The following NREP variants were observed in gnomAD, a reference collection of about 807,000 sequenced individuals.
NREP encodes the protein neuronal regeneration-related protein.
In NREP, 5 loss-of-function variants were observed where a neutral mutation model predicts 8.6. The observed-to-expected ratio is 0.58, with a 90% CI of 0.30 to 1.22. The LOEUF (loss-of-function observed/expected upper bound fraction) is 1.22. NREP is among the 50% of genes most tolerant of loss of function. The pLI, the probability that NREP is intolerant of heterozygous loss-of-function variation, is 0.07. For synonymous variants in NREP, 27 were observed against 28.0 expected, an observed-to-expected ratio of 0.96 and a Z score of 0.11; for missense variants, 86 against 82.5, an observed-to-expected ratio of 1.04 and a Z score of -0.17.
At chr5:111,875,528 C>A (rs569274194) in intron 2 of NREP, among the ~76,000 whole-genome samples, 1 of 152,230 alleles carries the variant, frequency 6.6e-6, no homozygotes, top group East Asian at 1.9e-4. Context: ...CAGAGCTCTG[C>A]CAGATAAAAT....
At chr5:111,944,835 C>T (rs1351014603) in intron 2 of NREP, among the ~76,000 whole-genome samples, 1 of 152,062 alleles carries the variant, frequency 6.6e-6, no homozygotes, top group African/African-American at 2.4e-5. Flanking sequence ...ACCTACAGTC[C>T]CCTGCAGACT....
intron 2 of NREP, among the ~76,000 whole-genome samples, chr5:111,904,546 A>G (rs932162552): frequency 5.3e-5 from 8 of 152,074 alleles, no homozygotes; most frequent in African/African-American, 1.9e-4. Context: ...TCACTAAGCA[A>G]TATTCATTTA....
At chr5:111,759,225 CT>C (rs1283964046), upstream of NREP, among the ~76,000 whole-genome samples, 2 of 152,124 alleles carry the variant, frequency 1.3e-5, no homozygotes, top group African/African-American at 4.8e-5. Flanking sequence ...CAGGGTCAGG[CT>C]GGGAAAGGAC....
At chr5:111,908,988 G>A (rs1754842553) in intron 2 of NREP, among the ~76,000 whole-genome samples, 1 of 151,974 alleles carries the variant, frequency 6.6e-6, no homozygotes, top group African/African-American at 2.4e-5. Flanking sequence ...GTGATGTTGA[G>A]CATTTTTCTT....
At chr5:111,925,264 A>T (rs62370292) in intron 2 of NREP, among the ~76,000 whole-genome samples, 65,687 of 151,814 alleles carry the variant, frequency 0.43, 16,493 homozygotes, top group Non-Finnish European at 0.58. Context: ...TTCTGGACGG[A>T]GATGTCTCTC....
chr5:111,735,066 A>G (rs1748979086), intron 3 of NREP: 2 of 329,952 alleles, frequency 6.1e-6, no homozygotes, highest in South Asian at 1.4e-4. Flanking sequence ...AGACCTTCAG[A>G]CTTCATTAGC....
intron 2 of NREP, among the ~76,000 whole-genome samples, chr5:111,827,749 A>T (rs981074688): frequency 1.3e-5 from 2 of 152,096 alleles, no homozygotes; most frequent in African/African-American, 4.8e-5. Context: ...AAGCTGAGGC[A>T]GAAGAATTGC....
At chr5:111,831,850 T>G (rs1005552075) in intron 2 of NREP, among the ~76,000 whole-genome samples, 2 of 152,168 alleles carry the variant, frequency 1.3e-5, no homozygotes, top group Admixed American at 6.6e-5. Context: ...AAAAAGGGCC[T>G]AGAGAATAAA....
chr5:111,859,532 G>C (rs1186598929), intron 2 of NREP, among the ~76,000 whole-genome samples: 1 of 152,132 alleles, frequency 6.6e-6, no homozygotes, highest in Non-Finnish European at 1.5e-5. Flanking sequence ...CTGGAAGCTT[G>C]TTAGAGGCCA....
intron 2 of NREP, among the ~76,000 whole-genome samples, chr5:111,816,269 T>C (rs1484201589): frequency 6.6e-6 from 1 of 152,176 alleles, no homozygotes; most frequent in South Asian, 2.1e-4. Flanking sequence ...AAGAGATTTC[T>C]TCTACCAACA....
At chr5:111,786,222 T>C (rs1437066190) in intron 2 of NREP, among the ~76,000 whole-genome samples, 6 of 152,222 alleles carry the variant, frequency 3.9e-5, no homozygotes, top group African/African-American at 1.4e-4. Flanking sequence ...ACTTTGTGCC[T>C]CACTCATCTC....
intron 2 of NREP, among the ~76,000 whole-genome samples, chr5:111,743,615 C>A (rs1004562037): frequency 6.6e-6 from 1 of 152,080 alleles, no homozygotes; most frequent in Non-Finnish European, 1.5e-5. Context: ...CCCAGCACAC[C>A]AAACTGCACT....
intron 2 of NREP, among the ~76,000 whole-genome samples, chr5:111,928,605 G>A (rs1755454430): frequency 2.6e-5 from 4 of 152,060 alleles, no homozygotes; most frequent in Admixed American, 2.6e-4. Context: ...TTCTACTGGA[G>A]CCTCTCTTTG....
intron 2 of NREP, among the ~76,000 whole-genome samples, chr5:111,915,934 T>C (rs929310911): frequency 6.6e-6 from 1 of 152,066 alleles, no homozygotes; most frequent in Non-Finnish European, 1.5e-5. Flanking sequence ...TAAGTCACTA[T>C]CATCCACGAT....
chr5:111,957,123 G>A (rs1054060801), intron 2 of NREP, among the ~76,000 whole-genome samples: 9 of 151,714 alleles, frequency 5.9e-5, no homozygotes, highest in Admixed American at 4.6e-4. Context: ...AATTGCGAGG[G>A]AGGGAGGAGG....
chr5:111,874,708 A>G (rs1339909720), intron 2 of NREP, among the ~76,000 whole-genome samples: 4 of 152,194 alleles, frequency 2.6e-5, no homozygotes, highest in African/African-American at 7.2e-5. Context: ...AGAGTGAAGC[A>G]TGACTAAGTT....
In NREP at chr5:111,787,515, G is replaced by A. The variant is rs993203925; in HGVS notation, c.136-52008C>T. On this transcript the variant is annotated intron_variant, in intron 2 of 3. Transcript: ENST00000395634. ...GAGAAAGTTCAGTTATAATGGATGA[G>A]AGTTGGAGATATTCATAACTGACAC... is the stretch of plus-strand genomic sequence containing the variant. Among the ~76,000 whole-genome samples the A allele has an allele frequency of 4.6e-5, 7 of 151,694 alleles. 1 individual carries two copies. Among genetic ancestry groups the A allele is most frequent in the Admixed American group, 3.9e-4 (6 of 15,234 alleles).
intron 2 of NREP, among the ~76,000 whole-genome samples, chr5:111,863,241 G>T (rs1561698532): frequency 1.3e-5 from 2 of 152,080 alleles, no homozygotes; most frequent in South Asian, 2.1e-4. Flanking sequence ...TGATAGGTTA[G>T]ACATGGAGAG....
intron 2 of NREP, among the ~76,000 whole-genome samples, chr5:111,915,217 T>C (rs1351591230): frequency 6.6e-6 from 1 of 152,104 alleles, no homozygotes; most frequent in East Asian, 1.9e-4. Context: ...CAATGATTGA[T>C]GGTGAAAGAC....
Sources: allele counts gnomAD v4.1 joint callset (sites outside exome capture counted in the v4.1 genomes callset), GRCh38; gene constraint gnomAD v4.1.1; transcripts MANE v1.5; gene names NCBI Gene and HGNC (gene_info 2026-07-23, HGNC 2026-07-21).